RFX4: variants seen among roughly 807,000 people sequenced by gnomAD.
RFX4 encodes transcription factor RFX4.
A neutral mutation model predicts 95.0 loss-of-function variants in RFX4; 10 were observed. That is an observed-to-expected ratio of 0.11 (90% CI 0.06 to 0.18). The LOEUF is 0.18. RFX4 is among the 10% of genes least tolerant of loss of function. The pLI is 1.00. For synonymous variants in RFX4, 321 were observed against 340.7 expected (o/e 0.94, Z 0.64); for missense variants, 640 against 922.0 (o/e 0.69, Z 3.96).
chr12:106,603,255 G>A lies in RFX4; in HGVS notation c.44-5542G>A, dbSNP rs568472115. 4.2e-4 allele frequency among the ~76,000 whole-genome samples: 64 copies of A among 152,290 alleles called. 1 individual carries two copies. Among genetic ancestry groups the A allele is most frequent in the Admixed American group, 3.8e-3 (58 of 15,304 alleles). Reference sequence around the variant, plus strand: ...CTCTGAACCTTGAACTGCCTTGGACGTGCCATGTCCCTGATGCGGCTACTT... The same window carrying A: ...CTCTGAACCTTGAACTGCCTTGGACATGCCATGTCCCTGATGCGGCTACTT... On this transcript the variant is annotated intron_variant, in intron 1 of 17. Coordinates refer to ENST00000392842, the MANE Select transcript of RFX4 (RefSeq NM_213594.3).
intron 17 of RFX4, 76 bp downstream of exon 17, chr12:106,750,869 C>A: frequency 7.3e-7 from 1 of 1,362,044 alleles, no homozygotes; most frequent in Non-Finnish European, 9.7e-7. Flanking sequence ...AGTTCATAAA[C>A]TGTTATGCAT....
intron 6 of RFX4, among the ~76,000 whole-genome samples, chr12:106,687,537 G>A (rs1172597288): frequency 2.3e-5 from 3 of 132,768 alleles, no homozygotes; most frequent in Non-Finnish European, 3.1e-5. Flanking sequence ...CAACAAGAGC[G>A]AAACTCCATC....
chr12:106,747,668 C>T, intron 16 of RFX4, 69 bp downstream of exon 16: 1 of 1,546,182 alleles, frequency 6.5e-7, no homozygotes, highest in Non-Finnish European at 8.8e-7. Context: ...CACAGCAGCT[C>T]ACACCCTGTA....
intron 8 of RFX4, among the ~76,000 whole-genome samples, chr12:106,708,106 C>G (rs530052865): frequency 6.6e-6 from 1 of 152,244 alleles, no homozygotes; most frequent in South Asian, 2.1e-4. Context: ...TGCACTCTAG[C>G]CTGGGCAACA....
At chr12:106,716,956 C>G (rs747451437) in intron 11 of RFX4, among the ~76,000 whole-genome samples, 1 of 147,824 alleles carries the variant, frequency 6.8e-6, no homozygotes, top group East Asian at 2.0e-4. Flanking sequence ...AGCTTCATCA[C>G]CAGGCCTTAG....
chr12:106,621,073 A>T (rs779253220), intron 2 of RFX4, among the ~76,000 whole-genome samples: 1 of 152,112 alleles, frequency 6.6e-6, no homozygotes, highest in African/African-American at 2.4e-5. Flanking sequence ...CATATTGTTC[A>T]AACACACATG....
At chr12:106,645,753 C>A in intron 3 of RFX4, 1 of 439,816 alleles carries the variant, frequency 2.3e-6, no homozygotes, top group Non-Finnish European at 4.2e-6. Flanking sequence ...ACATTTTGCA[C>A]CCTTTTGTGA....
Position 106,654,320 on chromosome 12 carries a change from C to A in RFX4, c.284C>A (p.Thr95Asn), listed in dbSNP as rs764235753. Residue 95 changes from threonine (T) to asparagine (N), a missense_variant, in exon 4 of 18, where the codon ACC (threonine) becomes AAC (asparagine). By Grantham distance (65) the Thr-to-Asn change is moderately conservative. This residue lies in a region of RFX4 where 89 missense variants were observed against 173.8 expected (regional missense o/e 0.51). Coordinates refer to ENST00000392842, the MANE Select transcript of RFX4 (RefSeq NM_213594.3). ...CTGGATTTCTGCGAGAAGAATGATA[C>A]CCAACCTGTCAATGCTGCCAGCTTT... ...HYLDFCEKND[T>N]QPVNAASFGK... 2 of 1,613,912 alleles carry A rather than the reference C, an allele frequency of 1.2e-6. No homozygotes were observed. Among genetic ancestry groups the A allele is most frequent in the Non-Finnish European group, 8.5e-7 (1 of 1,179,962 alleles).
At chr12:106,630,280 A>G (rs1431374347) in intron 2 of RFX4, among the ~76,000 whole-genome samples, 2 of 152,210 alleles carry the variant, frequency 1.3e-5, no homozygotes, top group South Asian at 2.1e-4. Context: ...TTTATATAGT[A>G]AAATTTATCA....
At chr12:106,736,021 C>T (rs2042703267) in intron 15 of RFX4, among the ~76,000 whole-genome samples, 1 of 152,162 alleles carries the variant, frequency 6.6e-6, no homozygotes, top group Non-Finnish European at 1.5e-5. Context: ...CAAACCTGCT[C>T]TACTACCCTC....
intron 13 of RFX4, among the ~76,000 whole-genome samples, chr12:106,723,479 T>C (rs2042433319): frequency 6.6e-6 from 1 of 152,240 alleles, no homozygotes; most frequent in Non-Finnish European, 1.5e-5. Flanking sequence ...AAGGTAATAA[T>C]AGTTCCCGGA....
chr12:106,721,013 C>T, intron 13 of RFX4, 137 bp downstream of exon 13: 1 of 722,756 alleles, frequency 1.4e-6, no homozygotes, highest in South Asian at 1.7e-5. Flanking sequence ...GGAGACATGA[C>T]ATTGTTAGGA....
chr12:106,591,636 T>G (rs887127943), intron 1 of RFX4, among the ~76,000 whole-genome samples: 1 of 152,324 alleles, frequency 6.6e-6, no homozygotes, highest in African/African-American at 2.4e-5. Flanking sequence ...AGTAAATCAT[T>G]CATACCTTTA....
chr12:106,725,505 G>A (rs1290865797), intron 13 of RFX4, among the ~76,000 whole-genome samples: 1 of 152,174 alleles, frequency 6.6e-6, no homozygotes, highest in African/African-American at 2.4e-5. Context: ...AATGAGAAGA[G>A]AATCTTCAAG....
At chr12:106,617,413 C>T (rs1011300633) in intron 2 of RFX4, among the ~76,000 whole-genome samples, 2 of 152,170 alleles carry the variant, frequency 1.3e-5, no homozygotes, top group African/African-American at 4.8e-5. Flanking sequence ...TTAATCCCAA[C>T]ATTTTTCTGA....
chr12:106,694,167 G>C (rs2041834412), intron 7 of RFX4, among the ~76,000 whole-genome samples: 2 of 152,164 alleles, frequency 1.3e-5, no homozygotes, highest in South Asian at 4.1e-4. Flanking sequence ...TCGATTTACA[G>C]ACCTGACTTC....
intron 2 of RFX4, among the ~76,000 whole-genome samples, chr12:106,618,610 A>G (rs888326274): frequency 6.6e-6 from 1 of 151,856 alleles, no homozygotes; most frequent in Non-Finnish European, 1.5e-5. Flanking sequence ...TATCTTTTTC[A>G]TCTTTTTATT....
intron 3 of RFX4, among the ~76,000 whole-genome samples, chr12:106,644,326 C>T (rs573986045): frequency 1.4e-5 from 2 of 148,104 alleles, no homozygotes; most frequent in East Asian, 4.0e-4. Flanking sequence ...TTCCACCTCC[C>T]AGGTTCAAGC....
At chr12:106,607,232 C>T (rs578124183) in intron 1 of RFX4, among the ~76,000 whole-genome samples, 4 of 152,254 alleles carry the variant, frequency 2.6e-5, no homozygotes, top group South Asian at 2.1e-4. Context: ...CAACAAAGAC[C>T]ACTCAGTTTA....
Sources: allele counts gnomAD v4.1 joint callset (sites outside exome capture counted in the v4.1 genomes callset), GRCh38; gene constraint gnomAD v4.1.1; regional missense constraint gnomAD v4.1.1; transcripts MANE v1.5; gene names NCBI Gene and HGNC (gene_info 2026-07-23, HGNC 2026-07-21).